STAB2: variants seen among roughly 807,000 people sequenced by gnomAD.
The protein encoded by STAB2 is stabilin-2.
In STAB2, 288 loss-of-function variants were observed where a neutral mutation model predicts 338.1. That is an observed-to-expected ratio of 0.85 (90% confidence interval 0.77 to 0.94). The LOEUF is 0.94. Among genes scored for constraint, STAB2 ranks in the 40% least tolerant of loss-of-function variants. The pLI is 0.00. For missense variants in STAB2, 3,141 were observed against 3,210.1 expected (o/e 0.98, Z 0.52); for synonymous variants, 1,202 against 1,193.3 (o/e 1.01, Z -0.15).
chr12:103,735,073 C>A (rs937183928), intron 51 of STAB2, among the ~76,000 whole-genome samples: 1 of 152,166 alleles, frequency 6.6e-6, no homozygotes, highest in Non-Finnish European at 1.5e-5. Context: ...ACCTCATTTC[C>A]AAATAAGATC....
chr12:103,707,830 T>C (rs1481571473), intron 38 of STAB2, among the ~76,000 whole-genome samples: 13 of 152,248 alleles, frequency 8.5e-5, no homozygotes, highest in Non-Finnish European at 2.9e-5. Context: ...TAATATTTAC[T>C]TGGAATTACA....
At position 103,749,996 on chromosome 12, in the gene STAB2, G is replaced by A. The variant is rs114161870; in HGVS notation, c.6439-583G>A. ...CTTACCTCCTGGACTGACAAGCTGT[G>A]TGACCTGGAGGTGGCTAATTACTCT... On this transcript the variant is annotated intron_variant, in intron 59 of 68. Coordinates refer to ENST00000388887, the MANE Select transcript of STAB2 (RefSeq NM_017564.10). Among the ~76,000 whole-genome samples the A allele has an allele frequency of 9.3e-4, 141 of 152,212 alleles. 1 individual carries two copies. The highest frequency in any genetic ancestry group is 3.3e-3 in the African/African-American group (139 of 41,540).
intron 63 of STAB2, 95 bp downstream of exon 63, chr12:103,755,813 C>T: frequency 8.5e-7 from 1 of 1,182,022 alleles, no homozygotes; most frequent in Admixed American, 1.7e-5. Flanking sequence ...AGGCCACAGT[C>T]ACAGTTAAGA....
intron 35 of STAB2, among the ~76,000 whole-genome samples, chr12:103,703,645 T>G (rs1401718331): frequency 6.6e-6 from 1 of 152,110 alleles, no homozygotes; most frequent in Admixed American, 6.5e-5. Flanking sequence ...GTAGGAACCA[T>G]GGTGCCCCTA....
intron 25 of STAB2, among the ~76,000 whole-genome samples, chr12:103,681,865 C>T (rs575736377): frequency 1.8e-3 from 269 of 152,098 alleles, no homozygotes; most frequent in Middle Eastern, 0.01. Flanking sequence ...ATGATCTGCT[C>T]GCCTTGGCCT....
At chr12:103,700,711 A>G (rs566452361) in intron 34 of STAB2, among the ~76,000 whole-genome samples, 6 of 152,328 alleles carry the variant, frequency 3.9e-5, no homozygotes, top group East Asian at 3.9e-4. Flanking sequence ...AGCTGAATCA[A>G]TTTTAGAGCT....
At chr12:103,692,089 G>A (rs2138913750) in intron 30 of STAB2, among the ~76,000 whole-genome samples, 1 of 152,340 alleles carries the variant, frequency 6.6e-6, no homozygotes, top group South Asian at 2.1e-4. Flanking sequence ...TTTTCTCACA[G>A]TTCTGAAGGC....
At chr12:103,699,877 C>A (rs903755155) in intron 34 of STAB2, among the ~76,000 whole-genome samples, 6 of 152,150 alleles carry the variant, frequency 3.9e-5, no homozygotes, top group Non-Finnish European at 7.4e-5. Context: ...AGCGCTGGTA[C>A]AACAAACCCA....
chr12:103,655,638 G>A (rs1179846928), intron 15 of STAB2, 57 bp downstream of exon 15: 1 of 1,589,680 alleles, frequency 6.3e-7, no homozygotes. Flanking sequence ...CTCAGTCTGT[G>A]TCTAAACAGG....
At position 103,638,049 on chromosome 12, in the gene STAB2, C is replaced by T. The variant is rs757209442; in HGVS notation, c.743C>T (p.Pro248Leu). The T allele has an allele frequency of 1.2e-6, 2 of 1,613,990 alleles. No individual in the cohort carries two copies. Among genetic ancestry groups the T allele is most frequent in the African/African-American group, 1.3e-5 (1 of 74,930 alleles). Residue 248 changes from proline to leucine, a missense_variant, in exon 8 of 69, where the codon CCT becomes CTT. Pro to Leu is a moderately conservative substitution (Grantham distance 98). Coordinates refer to ENST00000388887, the MANE Select transcript of STAB2 (RefSeq NM_017564.10). The part of the protein sequence containing the change: ...INPCLRKICH[P>L]HAHCTYLGPN... ...CCATGTTTACGAAAAATCTGCCACC[C>T]TCATGCTCATTGTACGTACCTGGGA...
At chr12:103,615,260 A>G (rs1033289097) in intron 3 of STAB2, among the ~76,000 whole-genome samples, 1 of 151,586 alleles carries the variant, frequency 6.6e-6, no homozygotes, top group African/African-American at 2.4e-5. Context: ...ACTTAGAGGA[A>G]ACAGGTGTGA....
Position 103,685,469 on chromosome 12 carries a change from T to TGTGTGCGTGCGTGC in STAB2, c.2997+388_2997+389insTGCGTGCGTGCGTG, listed in dbSNP as rs1300245724. Among the ~76,000 whole-genome samples, 9 of 140,688 alleles carry TGTGTGCGTGCGTGC rather than the reference T, an allele frequency of 6.4e-5. No individual in the cohort carries two copies. The East Asian group carries it at 1.2e-3, about 19-fold the overall frequency. The allele number at this position is 140,688 out of a possible 152,430, so 92.3% of individuals were successfully genotyped here. A position where few individuals can be genotyped will look rare whatever the true frequency, so the allele number is the denominator to read the frequency against. ...GTGTGTGTGTGCGCGTGCGTGTGTG[T>TGTGTGCGTGCGTGC]GTGCGTGCGCGCATGTGTGTGTGTG... On this transcript the variant is annotated intron_variant, in intron 27 of 68. Coordinates refer to ENST00000388887, the MANE Select transcript of STAB2 (RefSeq NM_017564.10).
At chr12:103,630,724 C>G (rs1021082929) in intron 5 of STAB2, among the ~76,000 whole-genome samples, 1 of 152,170 alleles carries the variant, frequency 6.6e-6, no homozygotes, top group Non-Finnish European at 1.5e-5. Flanking sequence ...GAAAGGGTTT[C>G]ATGAGCCCAG....
Position 103,688,163 on chromosome 12 carries a change from A to G in STAB2, c.2998-5A>G. 2 of 1,613,380 alleles carry G rather than the reference A, an allele frequency of 1.2e-6. No homozygotes were observed. On this transcript the variant is annotated splice_region_variant and splice_polypyrimidine_tract_variant and intron_variant, in intron 27 of 68. Coordinates refer to ENST00000388887, the MANE Select transcript of STAB2 (RefSeq NM_017564.10). ...TTCTTCCCTCCCTTGCATGATATGA[A>G]TAAGGAATTGTCATTTCTCTCCGAA...
intron 56 of STAB2, 28 bp from the exon 57 acceptor site, chr12:103,745,145 G>A (rs1158688011): frequency 1.3e-6 from 2 of 1,598,962 alleles, no homozygotes; most frequent in African/African-American, 1.3e-5. Flanking sequence ...AACCCCTGAT[G>A]ACTGACCATA....
chr12:103,610,255 AGGAATGGTACCAACTCCT>A (rs1368245533), intron 3 of STAB2, among the ~76,000 whole-genome samples: 1 of 152,190 alleles, frequency 6.6e-6, no homozygotes, highest in East Asian at 1.9e-4. Context: ...TAGTTTCAGA[AGGAATGGTACCAACTCCT>A]CCTCGTACCT....
At chr12:103,713,010 AAACTC>A (rs1880006372) in intron 41 of STAB2, among the ~76,000 whole-genome samples, 1 of 152,212 alleles carries the variant, frequency 6.6e-6, no homozygotes, top group Admixed American at 6.5e-5. Flanking sequence ...CAGCTGTTGA[AAACTC>A]AGGTCAACTT....
chr12:103,684,024 A>G (rs1487111103), intron 26 of STAB2, among the ~76,000 whole-genome samples: 1 of 152,182 alleles, frequency 6.6e-6, no homozygotes, highest in African/African-American at 2.4e-5. Context: ...CAGAACCAGG[A>G]CATGAAGAGA....
Position 103,704,570 on chromosome 12 carries a change from A to G in STAB2, c.3856A>G (p.Thr1286Ala). The change falls in exon 36 of 69, where the codon ACA becomes GCA. Residue 1286 changes from threonine (T) to alanine (A), a missense_variant. Physicochemically the swap from Thr to Ala is moderately conservative, Grantham distance 58. Coordinates refer to ENST00000388887, the MANE Select transcript of STAB2 (RefSeq NM_017564.10). ...DTTIIRGRCR[T>A]CSSELTCPFG... ...GTGTTTTACCAAGGGAAGATGTAGGACATGCTCCTCAGAGCTGACCTGCCC... is the reference window on the plus strand; with the variant it reads ...GTGTTTTACCAAGGGAAGATGTAGGGCATGCTCCTCAGAGCTGACCTGCCC... 1 of 1,613,774 alleles carries G rather than the reference A, an allele frequency of 6.2e-7. No homozygotes were observed. Among genetic ancestry groups the G allele is most frequent in the Non-Finnish European group, 8.5e-7 (1 of 1,179,868 alleles).
Sources: allele counts gnomAD v4.1 joint callset (sites outside exome capture counted in the v4.1 genomes callset), GRCh38; gene constraint gnomAD v4.1.1; transcripts MANE v1.5; gene names NCBI Gene and HGNC (gene_info 2026-07-23, HGNC 2026-07-21).